PRKD1: variants seen among roughly 807,000 people sequenced by gnomAD.
PRKD1 encodes the protein serine/threonine-protein kinase D1.
Under a neutral mutation model 95.9 loss-of-function variants are expected in PRKD1, and 63 were observed. That is an observed-to-expected ratio of 0.66 (90% CI 0.54 to 0.81). The LOEUF (loss-of-function observed/expected upper bound fraction) is 0.81. PRKD1 is among the 30% of genes least tolerant of loss of function. The pLI, the probability that PRKD1 is intolerant of heterozygous loss-of-function variation, is 0.00. For missense variants in PRKD1, 1,048 were observed against 1,165.3 expected (o/e 0.90, Z 1.47); for synonymous variants, 425 against 423.1 (o/e 1.00, Z -0.05).
At chr14:29,894,172 A>G (rs1268767127) in intron 1 of PRKD1, among the ~76,000 whole-genome samples, 1 of 152,194 alleles carries the variant, frequency 6.6e-6, no homozygotes, top group Non-Finnish European at 1.5e-5. Context: ...TGGGAGGTGG[A>G]GGAAAAGTGG....
intron 1 of PRKD1, chr14:29,811,952 A>T (rs1767633583): frequency 6.6e-6 from 1 of 152,202 alleles, no homozygotes; most frequent in Non-Finnish European, 1.5e-5. Flanking sequence ...AAAATTGGAC[A>T]ATAGTGAGAT....
At chr14:29,894,815 T>C (rs1034403024) in intron 1 of PRKD1, among the ~76,000 whole-genome samples, 2 of 152,204 alleles carry the variant, frequency 1.3e-5, no homozygotes, top group African/African-American at 2.4e-5. Flanking sequence ...CTGTGTGCTA[T>C]GTGATCAGAA....
chr14:29,909,292 C>T (rs1415699240), intron 1 of PRKD1, among the ~76,000 whole-genome samples: 5 of 148,468 alleles, frequency 3.4e-5, no homozygotes, highest in Non-Finnish European at 7.5e-5. Context: ...ACCCAACCCC[C>T]CCCGCCCCCC....
intron 1 of PRKD1, among the ~76,000 whole-genome samples, chr14:29,925,820 T>C (rs1053616808): frequency 6.6e-6 from 1 of 152,266 alleles, no homozygotes; most frequent in Non-Finnish European, 1.5e-5. Flanking sequence ...TATACGTGCT[T>C]ATGAAGCATT....
intron 2 of PRKD1, among the ~76,000 whole-genome samples, chr14:29,691,640 A>C (rs1884243387): frequency 6.6e-6 from 1 of 152,176 alleles, no homozygotes; most frequent in Non-Finnish European, 1.5e-5. Flanking sequence ...TTGGTGCAAA[A>C]GTAATCAGGT....
At chr14:29,925,188 C>T (rs998590755) in intron 1 of PRKD1, among the ~76,000 whole-genome samples, 3 of 152,042 alleles carry the variant, frequency 2.0e-5, no homozygotes, top group Admixed American at 6.5e-5. Context: ...AAATCAGTCA[C>T]CAATCAGGGC....
intron 1 of PRKD1, among the ~76,000 whole-genome samples, chr14:29,748,723 A>C (rs1239104022): frequency 1.3e-5 from 2 of 152,222 alleles, no homozygotes; most frequent in East Asian, 1.9e-4. Flanking sequence ...TATTCAGTAA[A>C]TATTTGACAA....
chr14:29,672,355 A>C (rs145885218), intron 2 of PRKD1, among the ~76,000 whole-genome samples: 1,774 of 150,898 alleles, frequency 0.012, 48 homozygotes, highest in African/African-American at 0.039. Context: ...AAAAAATAAA[A>C]TAAAATAAAA....
chr14:29,902,142 C>T (rs1412581239), intron 1 of PRKD1, among the ~76,000 whole-genome samples: 1 of 151,952 alleles, frequency 6.6e-6, no homozygotes, highest in Non-Finnish European at 1.5e-5. Flanking sequence ...ACCTGGAATC[C>T]CAGCTACTTG....
At chr14:29,643,726 C>T (rs548475724) in intron 4 of PRKD1, among the ~76,000 whole-genome samples, 1 of 152,298 alleles carries the variant, frequency 6.6e-6, no homozygotes, top group Admixed American at 6.5e-5. Context: ...AGCTAGAAAA[C>T]ACAGAGGAAA....
At chr14:29,728,308 A>G (rs1249277996) in intron 1 of PRKD1, among the ~76,000 whole-genome samples, 1 of 152,230 alleles carries the variant, frequency 6.6e-6, no homozygotes, top group Non-Finnish European at 1.5e-5. Context: ...AAATTACATG[A>G]AATAAATTGA....
At chr14:29,760,346 C>A in intron 1 of PRKD1, among the ~76,000 whole-genome samples, 1 of 143,160 alleles carries the variant, frequency 7.0e-6, no homozygotes, top group Admixed American at 7.1e-5. Flanking sequence ...GAAATTTTCT[C>A]AACTTTTTTT....
At chr14:29,778,276 TA>T (rs1888866713) in intron 1 of PRKD1, among the ~76,000 whole-genome samples, 1 of 151,818 alleles carries the variant, frequency 6.6e-6, no homozygotes, top group South Asian at 2.1e-4. Context: ...AGGCAAGAAA[TA>T]ACTAAGATCG....
At chr14:29,892,131 C>T (rs1465321453) in intron 1 of PRKD1, among the ~76,000 whole-genome samples, 1 of 152,126 alleles carries the variant, frequency 6.6e-6, no homozygotes, top group Non-Finnish European at 1.5e-5. Flanking sequence ...TCCACACTTT[C>T]CAAATGTTTT....
chr14:29,863,672 GA>G lies in PRKD1; in HGVS notation c.264+63576del, dbSNP rs202147598. On this transcript the variant is annotated intron_variant, in intron 1 of 17. Transcript: ENST00000331968. The stretch of plus-strand genomic sequence containing the variant: ...AGAGAAAAATAAATAAAGATATAAT[GA>G]AAAATTAACCAAAGTACATGAGGAA... Among the ~76,000 whole-genome samples the G allele has an allele frequency of 9.8e-3, 1,497 of 152,178 alleles. 13 individuals are homozygous for G. Among genetic ancestry groups the G allele is most frequent in the Middle Eastern group, 0.041 (12 of 294 alleles).
intron 1 of PRKD1, among the ~76,000 whole-genome samples, chr14:29,853,539 T>C (rs1278112070): frequency 1.3e-5 from 2 of 152,226 alleles, no homozygotes; most frequent in Non-Finnish European, 2.9e-5. Flanking sequence ...TTCTAGACAG[T>C]GGCAGAGATG....
intron 1 of PRKD1, among the ~76,000 whole-genome samples, chr14:29,733,104 A>AT (rs1203278375): frequency 4.5e-4 from 61 of 137,012 alleles, no homozygotes; most frequent in African/African-American, 1.2e-3. Flanking sequence ...ATTTTTATTT[A>AT]TTTATTTTTT....
chr14:29,703,608 A>C (rs187429062), intron 2 of PRKD1, among the ~76,000 whole-genome samples: 257 of 152,318 alleles, frequency 1.7e-3, no homozygotes, highest in Admixed American at 4.3e-3. Flanking sequence ...TATACTGGAG[A>C]GTAGAAAAGG....
intron 1 of PRKD1, among the ~76,000 whole-genome samples, chr14:29,874,126 T>G (rs1893205888): frequency 6.6e-6 from 1 of 152,026 alleles, no homozygotes; most frequent in African/African-American, 2.4e-5. Context: ...ATAATCAGAG[T>G]TTTTCATAAT....
Sources: gnomAD v4.1 joint callset for allele counts (sites outside exome capture counted in the v4.1 genomes callset) on GRCh38, gnomAD v4.1.1 for gene constraint, MANE v1.5 for transcripts, NCBI Gene and HGNC (gene_info 2026-07-23, HGNC 2026-07-21) for gene names.